MEIS2: variants seen among roughly 807,000 people sequenced by gnomAD.
The protein encoded by MEIS2 is Meis homeobox 2, also known as homeobox protein Meis2.
MEIS2 carries 9 observed loss-of-function variants against 58.6 expected under a neutral mutation model. That is an observed-to-expected ratio of 0.15 (90% CI 0.09 to 0.27). The LOEUF is 0.27. Ranked by LOEUF, MEIS2 falls within the 10% of genes least tolerant of loss-of-function variation. The probability of loss-of-function intolerance (pLI) is 1.00; values close to 1 mark genes in which losing one functional copy is unlikely to be tolerated. For missense variants in MEIS2, 427 were observed against 635.0 expected (o/e 0.67, Z 3.52); for synonymous variants, 221 against 228.4 (o/e 0.97, Z 0.29).
At chr15:37,083,078 C>T (rs1306267878) in intron 7 of MEIS2, among the ~76,000 whole-genome samples, 1 of 152,118 alleles carries the variant, frequency 6.6e-6, no homozygotes, top group Non-Finnish European at 1.5e-5. Flanking sequence ...TGAGTCATTC[C>T]TACCAATATA....
At position 36,971,553 on chromosome 15, in the gene MEIS2, A is replaced by AAAAAAAAAAAAAAAAAAAAG. The variant is rs1555438306; in HGVS notation, c.901-21154_901-21153insCTTTTTTTTTTTTTTTTTTT. On this transcript the variant is annotated intron_variant, in intron 8 of 11. Transcript: ENST00000561208. ...TTGTTACATTAAAAAAAAAAAAAAA[A>AAAAAAAAAAAAAAAAAAAAG]AAAAAAAAAAAGGGCTGTTCCAGTG... Among the ~76,000 whole-genome samples the AAAAAAAAAAAAAAAAAAAAG allele has an allele frequency of 1.9e-3, 255 of 132,050 alleles. 14 individuals are homozygous for AAAAAAAAAAAAAAAAAAAAG. The East Asian group carries it at 0.024, about 12-fold the overall frequency. 86.6% of individuals were successfully genotyped at this position (132,050 alleles called of 152,430 possible).
chr15:36,984,091 C>A (rs191754817), intron 8 of MEIS2, among the ~76,000 whole-genome samples: 13 of 152,106 alleles, frequency 8.5e-5, no homozygotes, highest in Admixed American at 8.5e-4. Context: ...ATGTCATCTA[C>A]AGAGAAATTT....
chr15:37,064,205 A>C (rs1442754865), intron 7 of MEIS2, among the ~76,000 whole-genome samples: 1 of 152,162 alleles, frequency 6.6e-6, no homozygotes, highest in Non-Finnish European at 1.5e-5. Context: ...TCCATACAAT[A>C]TATCAACTAA....
intron 8 of MEIS2, among the ~76,000 whole-genome samples, chr15:36,962,406 A>C (rs2059216046): frequency 1.3e-5 from 2 of 152,142 alleles, no homozygotes; most frequent in Admixed American, 6.5e-5. Flanking sequence ...CCCTAATATA[A>C]AATGGTGTAG....
At chr15:37,062,452 G>A (rs760118545) in intron 7 of MEIS2, among the ~76,000 whole-genome samples, 4 of 152,172 alleles carry the variant, frequency 2.6e-5, no homozygotes, top group Non-Finnish European at 5.9e-5. Context: ...GGCCACAGAA[G>A]GGATGGTATA....
rs370732911 is a variant in MEIS2 at position 37,080,943 on chromosome 15, G to A, written c.754+2828C>T. Among the ~76,000 whole-genome samples the A allele has an allele frequency of 1.6e-4, 25 of 152,164 alleles. No homozygotes were observed. The South Asian group carries it at 5.0e-3, about 30-fold the overall frequency. ...TTTGGTTCATTGCTGAAACACTATG[G>A]AGGAAAAGATGAACTTTCACCTGTG... On this transcript the variant is annotated intron_variant, in intron 7 of 11. Transcript: ENST00000561208.
chr15:37,047,702 G>A (rs2062731906), intron 7 of MEIS2, among the ~76,000 whole-genome samples: 1 of 152,154 alleles, frequency 6.6e-6, no homozygotes, highest in South Asian at 2.1e-4. Flanking sequence ...TGATATATGA[G>A]TCTCATTCTC....
At chr15:36,953,225 C>T (rs1376227980) in intron 8 of MEIS2, among the ~76,000 whole-genome samples, 2 of 152,164 alleles carry the variant, frequency 1.3e-5, no homozygotes, top group East Asian at 1.9e-4. Flanking sequence ...TAAGGCCAAA[C>T]TGTGGAACTA....
At chr15:37,079,029 C>A (rs115215214) in intron 7 of MEIS2, among the ~76,000 whole-genome samples, 80 of 152,178 alleles carry the variant, frequency 5.3e-4, no homozygotes, top group African/African-American at 1.8e-3. Flanking sequence ...AATTTTACTT[C>A]TAATGGTTAC....
chr15:36,898,713 A>G (rs978190918), intron 9 of MEIS2: 2 of 152,194 alleles, frequency 1.3e-5, no homozygotes, highest in Non-Finnish European at 2.9e-5. Flanking sequence ...CACTGTCTTC[A>G]AACAAATACT....
intron 8 of MEIS2, among the ~76,000 whole-genome samples, chr15:37,000,060 G>C (rs1208433731): frequency 1.3e-5 from 2 of 152,178 alleles, no homozygotes; most frequent in African/African-American, 4.8e-5. Context: ...TTCCAGCAAG[G>C]AAGAGTTTAA....
intron 8 of MEIS2, among the ~76,000 whole-genome samples, chr15:37,017,966 A>AACCT (rs2061404429): frequency 6.6e-6 from 1 of 152,310 alleles, no homozygotes; most frequent in Non-Finnish European, 1.5e-5. Context: ...ATTAAGAGCC[A>AACCT]ACCTCCCCCA....
chr15:36,991,465 G>A (rs576031206), intron 8 of MEIS2, among the ~76,000 whole-genome samples: 2 of 152,042 alleles, frequency 1.3e-5, no homozygotes, highest in East Asian at 3.9e-4. Context: ...CATTATTGTA[G>A]GTGGGATATT....
chr15:36,958,244 A>T (rs551145107), intron 8 of MEIS2, among the ~76,000 whole-genome samples: 2 of 152,142 alleles, frequency 1.3e-5, no homozygotes, highest in South Asian at 4.1e-4. Flanking sequence ...AGAAAAGCAT[A>T]CTCTCTTCTG....
At chr15:37,037,763 T>C (rs1339803371) in intron 7 of MEIS2, among the ~76,000 whole-genome samples, 1 of 152,262 alleles carries the variant, frequency 6.6e-6, no homozygotes, top group East Asian at 1.9e-4. Context: ...TGGCAAGGCA[T>C]TGCAGGACCC....
chr15:36,959,061 G>T (rs933861500), intron 8 of MEIS2, among the ~76,000 whole-genome samples: 2 of 152,080 alleles, frequency 1.3e-5, no homozygotes, highest in East Asian at 3.9e-4. Flanking sequence ...GGATATTAGC[G>T]GTCATCTAAC....
At chr15:37,088,098 T>G (rs1361729808) in intron 6 of MEIS2, among the ~76,000 whole-genome samples, 1 of 152,202 alleles carries the variant, frequency 6.6e-6, no homozygotes, top group African/African-American at 2.4e-5. Flanking sequence ...CTCTCACCAG[T>G]CAGGTGAACT....
chr15:37,082,829 A>G (rs2141914307), intron 7 of MEIS2, among the ~76,000 whole-genome samples: 1 of 152,206 alleles, frequency 6.6e-6, no homozygotes, highest in African/African-American at 2.4e-5. Flanking sequence ...CCCTACTTAC[A>G]TCAACACCCT....
chr15:36,945,236 A>G (rs373385514), intron 9 of MEIS2, among the ~76,000 whole-genome samples: 1 of 151,980 alleles, frequency 6.6e-6, no homozygotes, highest in Admixed American at 6.6e-5. Context: ...TTGCCCTTCA[A>G]GTATAAGCAG....
Sources: gnomAD v4.1 joint callset for allele counts (sites outside exome capture counted in the v4.1 genomes callset) on GRCh38, gnomAD v4.1.1 for gene constraint, MANE v1.5 for transcripts, NCBI Gene and HGNC (gene_info 2026-07-23, HGNC 2026-07-21) for gene names.